The following ADGRL2 variants were observed in gnomAD, a reference collection of about 807,000 sequenced individuals.
ADGRL2 encodes the protein adhesion G protein-coupled receptor L2.
A neutral mutation model predicts 157.4 loss-of-function variants in ADGRL2; 44 were observed. That is an observed-to-expected ratio of 0.28 (90% CI 0.22 to 0.36). The LOEUF is 0.36. ADGRL2 is among the 10% of genes least tolerant of loss of function. ADGRL2 has a pLI of 1.00. For synonymous variants in ADGRL2, 585 were observed against 624.7 expected, an observed-to-expected ratio of 0.94 and a Z score of 0.95; for missense variants, 1,510 against 1,768.9, an observed-to-expected ratio of 0.85 and a Z score of 2.63.
At chr1:81,678,516 C>T (rs2083041688) in intron 3 of ADGRL2, among the ~76,000 whole-genome samples, 1 of 152,188 alleles carries the variant, frequency 6.6e-6, no homozygotes, top group African/African-American at 2.4e-5. Context: ...GTTTAATTTA[C>T]TCTACTTGTT....
intron 3 of ADGRL2, among the ~76,000 whole-genome samples, chr1:81,581,975 C>G (rs995389508): frequency 6.6e-6 from 1 of 151,760 alleles, no homozygotes; most frequent in Admixed American, 6.6e-5. Context: ...AACCCTAGAA[C>G]TTTGGGAGGC....
At chr1:81,747,128 T>C (rs12141888) in intron 1 of ADGRL2, among the ~76,000 whole-genome samples, 7,356 of 144,030 alleles carry the variant, frequency 0.051, 222 homozygotes, top group Non-Finnish European at 0.059. Flanking sequence ...TGTGTATATA[T>C]GTATATATGT....
chr1:81,568,569 A>G (rs1438802307), intron 2 of ADGRL2, among the ~76,000 whole-genome samples: 2 of 152,158 alleles, frequency 1.3e-5, no homozygotes, highest in Non-Finnish European at 2.9e-5. Flanking sequence ...GAAAGCAATA[A>G]ATTTGAAACA....
At chr1:81,840,591 ATATC>A (rs1487673573) in intron 2 of ADGRL2, among the ~76,000 whole-genome samples, 1 of 152,096 alleles carries the variant, frequency 6.6e-6, no homozygotes, top group Non-Finnish European at 1.5e-5. Flanking sequence ...TTTAATTGTT[ATATC>A]TATCTATCTC....
Position 81,993,317 on chromosome 1 carries a change from T to C in ADGRL2, c.*2172T>C, listed in dbSNP as rs1664929719. 6.6e-6 allele frequency among the ~76,000 whole-genome samples: 1 copy of C among 151,620 alleles called. No individual in the cohort carries two copies. The highest frequency in any genetic ancestry group is 2.4e-5 in the African/African-American group (1 of 41,254). ...TTAGATAATCAAGTATTTTTAATTT[T>C]CCATCTTGTTATACTTTTTATTTTA... On this transcript the variant is annotated 3_prime_UTR_variant, in exon 24 of 24. Coordinates refer to ENST00000686636, the MANE Select transcript of ADGRL2 (RefSeq NM_001366006.2).
intron 2 of ADGRL2, among the ~76,000 whole-genome samples, chr1:81,476,402 A>G (rs969195555): frequency 6.6e-6 from 1 of 152,192 alleles, no homozygotes; most frequent in African/African-American, 2.4e-5. Flanking sequence ...GAAACTGGGT[A>G]TGAGCCAAAT....
rs79975440 is a variant in ADGRL2 at position 81,845,694 on chromosome 1, T to A, written c.73+8637T>A. Reference sequence around the variant, plus strand: ...CTAATACTTTTCTTATTTTTTTTTTTACAATTTATTGATAATCCCCTTTTT... The same window carrying A: ...CTAATACTTTTCTTATTTTTTTTTTAACAATTTATTGATAATCCCCTTTTT... On this transcript the variant is annotated intron_variant, in intron 2 of 23. Transcript: ENST00000686636. Among the ~76,000 whole-genome samples the A allele has an allele frequency of 1.8e-4, 27 of 150,826 alleles. No homozygotes were observed. The East Asian group carries it at 4.0e-3, about 22-fold the overall frequency.
chr1:81,626,395 T>G (rs1006231421), intron 3 of ADGRL2, among the ~76,000 whole-genome samples: 1 of 152,048 alleles, frequency 6.6e-6, no homozygotes, highest in African/African-American at 2.4e-5. Flanking sequence ...AGCCTCAACC[T>G]CCCGGGCTCA....
chr1:81,607,897 A>C (rs2081466102), intron 3 of ADGRL2, among the ~76,000 whole-genome samples: 1 of 152,186 alleles, frequency 6.6e-6, no homozygotes, highest in Admixed American at 6.5e-5. Flanking sequence ...AAATCCATTA[A>C]ATGTAGCTTT....
intron 1 of ADGRL2, among the ~76,000 whole-genome samples, chr1:81,706,692 C>T (rs1553142798): frequency 6.6e-6 from 1 of 152,100 alleles, no homozygotes; most frequent in Non-Finnish European, 1.5e-5. Context: ...ACAGAAGTTG[C>T]AGTCACACAG....
chr1:81,422,174 A>T (rs1363132242), intron 1 of ADGRL2, among the ~76,000 whole-genome samples: 1 of 110,900 alleles, frequency 9.0e-6, no homozygotes, highest in Non-Finnish European at 1.9e-5. Flanking sequence ...ACATATTTAC[A>T]TCTCTCAAAC....
chr1:81,672,279 A>G (rs934897923), intron 3 of ADGRL2, among the ~76,000 whole-genome samples: 8 of 152,180 alleles, frequency 5.3e-5, no homozygotes, highest in African/African-American at 1.9e-4. Context: ...AAAAGCTGTC[A>G]TTTCTGAAAT....
rs1664854308 is a variant in ADGRL2, at chr1:81,993,075, ATATATATATATATTTTTTTTTTTTTT to A, written c.*1932_*1957del. On this transcript the variant is annotated 3_prime_UTR_variant, in exon 24 of 24. Transcript: ENST00000686636. ...ATAATATACATATATATATATATAT[ATATATATATATATTTTTTTTTTTTTT>A]TTTTTTTTTTTTTTTTTTGGGACAG... Among the ~76,000 whole-genome samples the A allele has an allele frequency of 4.0e-5, 1 of 25,232 alleles. No homozygotes were observed. 16.6% of individuals were successfully genotyped at this position (25,232 alleles called of 152,430 possible). A position where few individuals can be genotyped will look rare whatever the true frequency, so the allele number is the denominator to read the frequency against.
chr1:81,981,254 C>G (rs542321762), intron 18 of ADGRL2: 2 of 194,892 alleles, frequency 1.0e-5, no homozygotes, highest in East Asian at 3.4e-4. Flanking sequence ...GACGAAATCT[C>G]TCCAAAATTA....
At chr1:81,604,465 GTAAATA>G (rs1330476841) in intron 3 of ADGRL2, among the ~76,000 whole-genome samples, 1 of 152,198 alleles carries the variant, frequency 6.6e-6, no homozygotes, top group Non-Finnish European at 1.5e-5. Flanking sequence ...CAAGATTCAA[GTAAATA>G]TAAGACCAAA....
chr1:81,969,147 A>G, intron 14 of ADGRL2, 31 bp from the exon 15 acceptor site: 1 of 1,485,986 alleles, frequency 6.7e-7, no homozygotes, highest in African/African-American at 1.4e-5. Flanking sequence ...ATGCAGGAAT[A>G]CTAATGTTCC....
intron 3 of ADGRL2, among the ~76,000 whole-genome samples, chr1:81,931,465 T>C (rs780549319): frequency 7.9e-5 from 12 of 152,126 alleles, no homozygotes; most frequent in Non-Finnish European, 1.5e-4. Context: ...ATATAGGTGA[T>C]ACTTCGTGCG....
intron 2 of ADGRL2, among the ~76,000 whole-genome samples, chr1:81,468,047 A>G (rs1191030256): frequency 1.3e-5 from 2 of 152,126 alleles, no homozygotes; most frequent in Non-Finnish European, 2.9e-5. Context: ...ATTTTAGGGA[A>G]ATTCTCAGTA....
chr1:81,382,322 A>G (rs2076357514), intron 1 of ADGRL2, among the ~76,000 whole-genome samples: 1 of 152,180 alleles, frequency 6.6e-6, no homozygotes, highest in Non-Finnish European at 1.5e-5. Context: ...GAGATTTTTC[A>G]GTATTCCATT....
Sources: allele counts gnomAD v4.1 joint callset (sites outside exome capture counted in the v4.1 genomes callset), GRCh38; gene constraint gnomAD v4.1.1; transcripts MANE v1.5; gene names NCBI Gene and HGNC (gene_info 2026-07-23, HGNC 2026-07-21).